RPH3A: variants seen among roughly 807,000 people sequenced by gnomAD.
RPH3A encodes rabphilin 3A.
Under a neutral mutation model 102.2 loss-of-function variants are expected in RPH3A, and 48 were observed. That is an observed-to-expected ratio of 0.47 (90% CI 0.37 to 0.60). The LOEUF (loss-of-function observed/expected upper bound fraction) is 0.60. Ranked by LOEUF, RPH3A falls within the 20% of genes least tolerant of loss-of-function variation. The pLI is 0.00. For synonymous variants in RPH3A, 310 were observed against 324.3 expected (o/e 0.96, Z 0.47); for missense variants, 781 against 910.1 (o/e 0.86, Z 1.83).
intron 1 of RPH3A, among the ~76,000 whole-genome samples, chr12:112,620,551 G>A (rs1242756897): frequency 2.6e-5 from 4 of 152,058 alleles, no homozygotes. Context: ...AAAATTTGTT[G>A]TTTCCAGCCT....
chr12:112,786,188 C>T lies in RPH3A; in HGVS notation c.-139-5955C>T, dbSNP rs901438005. On this transcript the variant is annotated intron_variant, in intron 1 of 21. Coordinates refer to the RPH3A transcript ENST00000543106. Reference sequence around the variant, plus strand: ...CCCCTGGCAGAGCCTTGCCTGGTAACGTGGAATTGACTGATTAATAAATAA... The same window carrying T: ...CCCCTGGCAGAGCCTTGCCTGGTAATGTGGAATTGACTGATTAATAAATAA... 6.6e-5 allele frequency among the ~76,000 whole-genome samples: 10 copies of T among 152,010 alleles called. 1 individual carries two copies. The highest frequency in any genetic ancestry group is 3.3e-4 in the Admixed American group (5 of 15,278).
chr12:112,868,266 G>T (rs2042644540), intron 7 of RPH3A, 164 bp from the exon 8 acceptor site: 1 of 658,082 alleles, frequency 1.5e-6, no homozygotes, highest in African/African-American at 1.8e-5. Flanking sequence ...TGGATGGGCT[G>T]AATAAATATG....
At chr12:112,728,229 CCA>C (rs1274250224) in intron 1 of RPH3A, among the ~76,000 whole-genome samples, 1 of 152,174 alleles carries the variant, frequency 6.6e-6, no homozygotes, top group Non-Finnish European at 1.5e-5. Flanking sequence ...CAATTTATCA[CCA>C]GTTTCCTTTT....
intron 1 of RPH3A, among the ~76,000 whole-genome samples, chr12:112,786,214 A>G (rs1290152679): frequency 6.6e-6 from 1 of 152,168 alleles, no homozygotes; most frequent in East Asian, 1.9e-4. Flanking sequence ...TAATAAATAA[A>G]ACTTGTTGAC....
chr12:112,611,093 C>T (rs1258690254), intron 1 of RPH3A, among the ~76,000 whole-genome samples: 2 of 152,210 alleles, frequency 1.3e-5, no homozygotes, highest in Admixed American at 6.5e-5. Flanking sequence ...CAATAAAACC[C>T]TTGTTCAATG....
intron 1 of RPH3A, among the ~76,000 whole-genome samples, chr12:112,583,973 G>A (rs913324691): frequency 2.0e-5 from 3 of 152,168 alleles, no homozygotes; most frequent in South Asian, 2.1e-4. Flanking sequence ...ATGACAGAGC[G>A]AGACCCTGTC....
At chr12:112,676,312 C>A (rs1017314912) in intron 1 of RPH3A, among the ~76,000 whole-genome samples, 2 of 152,082 alleles carry the variant, frequency 1.3e-5, no homozygotes, top group African/African-American at 2.4e-5. Context: ...CACTGTCTTG[C>A]CTTACAATGT....
intron 5 of RPH3A, among the ~76,000 whole-genome samples, chr12:112,862,214 T>C (rs1421736175): frequency 6.6e-6 from 1 of 150,666 alleles, no homozygotes; most frequent in African/African-American, 2.5e-5. Flanking sequence ...CACTTCAGTC[T>C]GGGCCACAGA....
Position 112,869,754 on chromosome 12 carries a change from T to A in RPH3A, c.611-5T>A, listed in dbSNP as rs200826385. 1 of 1,614,172 alleles carries A rather than the reference T, an allele frequency of 6.2e-7. No homozygotes were observed. The highest frequency in any genetic ancestry group is 2.2e-5 in the East Asian group (1 of 44,886). On this transcript the variant is annotated splice_polypyrimidine_tract_variant and splice_region_variant and intron_variant, in intron 8 of 21. Transcript: ENST00000389385. ...CTCCTCATAATTTGTGTTTTCTTTC[T>A]CCAGGTGACAGTGAAGATAGGAGGG...
intron 1 of RPH3A, among the ~76,000 whole-genome samples, chr12:112,723,610 G>C (rs554245425): frequency 6.6e-6 from 1 of 152,272 alleles, no homozygotes; most frequent in East Asian, 1.9e-4. Flanking sequence ...AGTTATTCAA[G>C]GTTTATGGTA....
In RPH3A at chr12:112,894,559, A is replaced by T; in HGVS notation, c.1776-19A>T. ...TTCATTAAACGTCATCCATAATAGC[A>T]TGTTGTGTCGCCTCCCAGCTGGCTG... is the stretch of plus-strand genomic sequence containing the variant. On this transcript the variant is annotated intron_variant, in intron 19 of 21. Coordinates refer to ENST00000389385, the MANE Select transcript of RPH3A (RefSeq NM_001143854.2). 6.2e-7 allele frequency: 1 copy of T among 1,612,324 alleles called. No individual in the cohort carries two copies. The highest frequency in any genetic ancestry group is 8.5e-7 in the Non-Finnish European group (1 of 1,178,810).
intron 2 of RPH3A, among the ~76,000 whole-genome samples, chr12:112,794,331 G>A (rs2041185636): frequency 6.6e-6 from 1 of 152,204 alleles, no homozygotes; most frequent in African/African-American, 2.4e-5. Context: ...GTGTGTGAGT[G>A]TGAGTGACTG....
intron 3 of RPH3A, among the ~76,000 whole-genome samples, chr12:112,833,762 CTG>C (rs2042007564): frequency 6.7e-6 from 1 of 150,080 alleles, no homozygotes; most frequent in Non-Finnish European, 1.5e-5. Flanking sequence ...CAGTGTCTCA[CTG>C]TGTCACATAG....
At chr12:112,757,768 G>A (rs537832599) in intron 1 of RPH3A, among the ~76,000 whole-genome samples, 1 of 152,254 alleles carries the variant, frequency 6.6e-6, no homozygotes, top group East Asian at 1.9e-4. Flanking sequence ...GGGTCTATAG[G>A]CTTTAGGTAC....
chr12:112,713,464 T>C (rs1396935973), intron 1 of RPH3A, among the ~76,000 whole-genome samples: 1 of 152,146 alleles, frequency 6.6e-6, no homozygotes, highest in Non-Finnish European at 1.5e-5. Context: ...AGAGAGCATA[T>C]TTCTTTTTTA....
intron 1 of RPH3A, among the ~76,000 whole-genome samples, chr12:112,670,177 T>A (rs1179588394): frequency 6.6e-6 from 1 of 152,210 alleles, no homozygotes; most frequent in East Asian, 1.9e-4. Flanking sequence ...AGCTTTCAGC[T>A]CTTTGCTTCT....
intron 2 of RPH3A, among the ~76,000 whole-genome samples, chr12:112,799,262 C>T (rs1241526262): frequency 1.3e-5 from 2 of 152,064 alleles, no homozygotes; most frequent in Non-Finnish European, 2.9e-5. Context: ...GTGGCACACA[C>T]CTGTAGTCCC....
In RPH3A at chr12:112,746,935, C is replaced by T. The variant is rs1315038052; in HGVS notation, c.-139-45208C>T. 5.3e-5 allele frequency among the ~76,000 whole-genome samples: 8 copies of T among 152,310 alleles called. No homozygotes were observed. The South Asian group carries it at 1.5e-3, about 28-fold the overall frequency. Reference sequence around the variant, plus strand: ...TCCCTGGGATGCCACCTTCTTCCACCCTCCCAGCCATTGCAGGTGTTCTTC... The same window carrying T: ...TCCCTGGGATGCCACCTTCTTCCACTCTCCCAGCCATTGCAGGTGTTCTTC... On this transcript the variant is annotated intron_variant, in intron 1 of 21. Transcript: ENST00000543106.
chr12:112,833,324 C>T (rs1407666425), intron 3 of RPH3A, among the ~76,000 whole-genome samples: 4 of 152,212 alleles, frequency 2.6e-5, no homozygotes, highest in African/African-American at 4.8e-5. Flanking sequence ...CTCCATGGGG[C>T]TCTTTCCCCA....
Sources: gnomAD v4.1 joint callset for allele counts (sites outside exome capture counted in the v4.1 genomes callset) on GRCh38, gnomAD v4.1.1 for gene constraint, MANE v1.5 for transcripts, NCBI Gene and HGNC (gene_info 2026-07-23, HGNC 2026-07-21) for gene names.